Variants in DZIP1L observed in about 807,000 individuals in gnomAD.
The protein encoded by DZIP1L is DAZ interacting zinc finger protein 1 like.
Under a neutral mutation model 88.7 loss-of-function variants are expected in DZIP1L, and 90 were observed. The ratio of observed to expected loss-of-function variants is 1.02; its 90% CI spans 0.86 to 1.21. DZIP1L has a LOEUF of 1.21. Among genes scored for constraint, DZIP1L ranks in the 50% most tolerant of loss-of-function variants. The pLI is 0.00. For synonymous variants in DZIP1L, 363 were observed against 372.1 expected, an observed-to-expected ratio of 0.98 and a Z score of 0.28; for missense variants, 932 against 955.8, an observed-to-expected ratio of 0.98 and a Z score of 0.33.
intron 11 of DZIP1L, among the ~76,000 whole-genome samples, chr3:138,074,158 TCCCCA>T (rs1943297237): frequency 1.3e-5 from 2 of 152,084 alleles, no homozygotes; most frequent in African/African-American, 4.8e-5. Flanking sequence ...GAGGAAAACT[TCCCCA>T]GCCTTACTAG....
At chr3:138,064,295 A>T in intron 15 of DZIP1L, 1 of 1,127,238 alleles carries the variant, frequency 8.9e-7, no homozygotes, top group Non-Finnish European at 1.1e-6. Flanking sequence ...CCACTGTGGG[A>T]TGAGACCGGG....
intron 8 of DZIP1L, 66 bp from the exon 9 acceptor site, chr3:138,081,830 C>T (rs1943671976): frequency 2.6e-6 from 4 of 1,551,762 alleles, no homozygotes; most frequent in Admixed American, 3.5e-5. Flanking sequence ...CTGCTTTGAG[C>T]AGTGTCTGCC....
intron 8 of DZIP1L, among the ~76,000 whole-genome samples, chr3:138,081,998 T>C (rs189579483): frequency 3.3e-5 from 5 of 152,270 alleles, no homozygotes; most frequent in Admixed American, 3.3e-4. Flanking sequence ...GAGGCAAGAA[T>C]GTCCCCTCTT....
chr3:138,068,094 C>T, intron 13 of DZIP1L, 57 bp downstream of exon 13: 1 of 1,407,526 alleles, frequency 7.1e-7, no homozygotes, highest in Non-Finnish European at 9.3e-7. Flanking sequence ...AACAGGACTG[C>T]CTGAATCCAG....
chr3:138,096,777 T>G (rs1944490739), intron 3 of DZIP1L, among the ~76,000 whole-genome samples: 1 of 152,190 alleles, frequency 6.6e-6, no homozygotes, highest in South Asian at 2.1e-4. Context: ...GTACTTTTTT[T>G]TTATGAAAAG....
intron 4 of DZIP1L, among the ~76,000 whole-genome samples, chr3:138,093,450 A>G (rs1355333806): frequency 6.6e-6 from 1 of 152,228 alleles, no homozygotes; most frequent in East Asian, 1.9e-4. Flanking sequence ...GTGGCAAATG[A>G]GCATTGGCTT....
chr3:138,084,012 G>T, intron 8 of DZIP1L, 101 bp downstream of exon 8: 1 of 1,475,962 alleles, frequency 6.8e-7, no homozygotes, highest in Non-Finnish European at 9.1e-7. Context: ...GAGCCTGAGT[G>T]GTAAGACTAG....
chr3:138,081,765 C>G lies in DZIP1L; in HGVS notation c.1204-1G>C. 6.2e-7 allele frequency: 1 copy of G among 1,613,350 alleles called. No homozygotes were observed. Among genetic ancestry groups the G allele is most frequent in the Non-Finnish European group, 8.5e-7 (1 of 1,179,568 alleles). ...CCTTCCTGAGAGACAAGGACTGGAT[C>G]TGCAAAGAGGTGGAATAGAGCGGGT... On this transcript the variant is annotated splice_acceptor_variant, in intron 8 of 15. Transcript: ENST00000327532. LOFTEE classifies it high-confidence loss of function.
In DZIP1L at chr3:138,089,970, C is replaced by T. The variant is rs1390430275; in HGVS notation, c.871-1463G>A. Among the ~76,000 whole-genome samples the T allele has an allele frequency of 1.1e-4, 17 of 151,944 alleles. No individual in the cohort carries two copies. In the South Asian group the frequency reaches 3.5e-3, roughly 32 times the overall value. On this transcript the variant is annotated intron_variant, in intron 5 of 15. Transcript: ENST00000327532. Reference sequence around the variant, plus strand: ...CCAGCCTGGGTAACATGGCGAAACCCCATCTCTACAAAAAATACAAAAATT... The same window carrying T: ...CCAGCCTGGGTAACATGGCGAAACCTCATCTCTACAAAAAATACAAAAATT...
At chr3:138,107,914 C>T (rs1434983721) in intron 1 of DZIP1L, among the ~76,000 whole-genome samples, 1 of 152,124 alleles carries the variant, frequency 6.6e-6, no homozygotes, top group Non-Finnish European at 1.5e-5. Context: ...GTTTCAGATC[C>T]ATCCTTCCCT....
chr3:138,108,365 T>C (rs2042553945), intron 1 of DZIP1L, among the ~76,000 whole-genome samples: 2 of 152,052 alleles, frequency 1.3e-5, no homozygotes, highest in Admixed American at 1.3e-4. Flanking sequence ...AACTGCACTG[T>C]TTAACTATTT....
rs762651521 is a variant in DZIP1L at position 138,062,558 on chromosome 3, C to A, written c.*258G>T. Reference sequence around the variant, plus strand: ...ATGTGGAGGTAGAGGAAGAAAACTACCTGGAGGTTCTATTTTAACCCTTTC... The same window carrying A: ...ATGTGGAGGTAGAGGAAGAAAACTAACTGGAGGTTCTATTTTAACCCTTTC... On this transcript the variant is annotated 3_prime_UTR_variant, in exon 16 of 16. Coordinates refer to ENST00000327532, the MANE Select transcript of DZIP1L (RefSeq NM_173543.3). 4.9e-6 allele frequency: 2 copies of A among 404,342 alleles called. No homozygotes were observed. The highest frequency in any genetic ancestry group is 9.0e-6 in the Non-Finnish European group (2 of 222,962). The allele number at this position is 404,342 out of a possible 1,614,324, so 25.0% of individuals were successfully genotyped here.
intron 4 of DZIP1L, among the ~76,000 whole-genome samples, chr3:138,093,487 A>G (rs904197200): frequency 1.3e-5 from 2 of 152,340 alleles, no homozygotes; most frequent in Non-Finnish European, 2.9e-5. Context: ...GCTGTATTAG[A>G]CCCTAAAAAG....
chr3:138,103,780 G>A lies in DZIP1L; in HGVS notation c.192C>T (p.Phe64=). Residue 64 remains phenylalanine (F), a synonymous_variant, in exon 2 of 16, where the codon TTC becomes TTT. Coordinates refer to ENST00000327532, the MANE Select transcript of DZIP1L (RefSeq NM_173543.3). ...TLQENIAGIT[F]CNLDREVCSR... is the part of the protein sequence containing the mutation. ...TGCACACCTCCCGGTCCAAGTTGCA[G>A]AAGGTGATGCCAGCAATATTCTCCT... 6.2e-7 allele frequency: 1 copy of A among 1,614,132 alleles called. No individual in the cohort carries two copies. Among genetic ancestry groups the A allele is most frequent in the Non-Finnish European group, 8.5e-7 (1 of 1,180,050 alleles).
chr3:138,095,135 C>T (rs779347382), intron 3 of DZIP1L, 152 bp from the exon 4 acceptor site: 286 of 1,166,134 alleles, frequency 2.5e-4, no homozygotes, highest in Non-Finnish European at 3.2e-4. Context: ...CCTCCCTGTC[C>T]CTCTGTTTCC....
intron 11 of DZIP1L, among the ~76,000 whole-genome samples, chr3:138,072,957 G>T (rs1366710756): frequency 1.3e-5 from 2 of 152,146 alleles, no homozygotes; most frequent in East Asian, 3.8e-4. Flanking sequence ...ATCCCCCTGG[G>T]AATATAACTC....
Position 138,088,496 on chromosome 3 carries a change from T to C in DZIP1L, c.882A>G (p.Ala294=), listed in dbSNP as rs1385578444. Residue 294 remains alanine (A), a synonymous_variant, in exon 6 of 16, where the codon GCA becomes GCG. Transcript: ENST00000327532. ...ACTCCATCACACTGTGGGACTGCAG[T>C]GCCCGCAGTTTCTGAAAAGGCCAGG... is the stretch of plus-strand genomic sequence containing the variant. ...QNSTLEEKLR[A]LQSHSVMESK... is the part of the protein sequence containing the mutation. 6.2e-7 allele frequency: 1 copy of C among 1,613,300 alleles called. No individual in the cohort carries two copies. The highest frequency in any genetic ancestry group is 1.3e-5 in the African/African-American group (1 of 75,028).
At chr3:138,106,127 C>CTTTTTTTTTTTTT (rs56146259) in intron 1 of DZIP1L, among the ~76,000 whole-genome samples, 3 of 64,530 alleles carry the variant, frequency 4.6e-5, no homozygotes, top group Non-Finnish European at 8.3e-5. Context: ...AGTCTTCTTT[C>CTTTTTTTTTTTTT]TTTTTTTTTT....
At chr3:138,070,756 G>A (rs1943141776) in intron 12 of DZIP1L, among the ~76,000 whole-genome samples, 1 of 152,214 alleles carries the variant, frequency 6.6e-6, no homozygotes, top group Non-Finnish European at 1.5e-5. Flanking sequence ...AGGAGATACA[G>A]AACTGGCCTC....
Sources: gnomAD v4.1 joint callset for allele counts (sites outside exome capture counted in the v4.1 genomes callset) on GRCh38, gnomAD v4.1.1 for gene constraint, MANE v1.5 for transcripts, NCBI Gene and HGNC (gene_info 2026-07-23, HGNC 2026-07-21) for gene names.